Variants in IL16 observed in about 807,000 individuals in gnomAD.
IL16 encodes interleukin 16, also known as pro-interleukin-16.
In IL16, 67 loss-of-function variants were observed where a neutral mutation model predicts 110.1. That is an observed-to-expected ratio of 0.61 (90% CI 0.50 to 0.75). The LOEUF (loss-of-function observed/expected upper bound fraction) is 0.75. Among genes scored for constraint, IL16 ranks in the 30% least tolerant of loss-of-function variants. IL16 has a pLI of 0.00. For missense variants in IL16, 1,545 were observed against 1,655.0 expected, an observed-to-expected ratio of 0.93 and a Z score of 1.15; for synonymous variants, 689 against 662.9, an observed-to-expected ratio of 1.04 and a Z score of -0.61.
At chr15:81,308,293 C>T (rs1040893946) in intron 18 of IL16, among the ~76,000 whole-genome samples, 12 of 152,172 alleles carry the variant, frequency 7.9e-5, no homozygotes, top group African/African-American at 2.9e-4. Flanking sequence ...ACTCAGCTCC[C>T]CAGAGTCCTC....
Position 81,313,416 on chromosome 15 carries a change from C to T in IL16, c.*4618C>T. The T allele has an allele frequency of 6.5e-7, 1 of 1,529,040 alleles. No homozygotes were observed. Among genetic ancestry groups the T allele is most frequent in the Non-Finnish European group, 8.8e-7 (1 of 1,135,344 alleles). 94.7% of individuals were successfully genotyped at this position (1,529,040 alleles called of 1,614,324 possible). On this transcript the variant is annotated 3_prime_UTR_variant, in exon 19 of 19. Coordinates refer to ENST00000683961, the MANE Select transcript of IL16 (RefSeq NM_172217.5). ...CTTGGTGGGTTCCCTGTGAAGGCAACAGCAGAGCTGTGTTATGATCTGCAG... is the reference window on the plus strand; with the variant it reads ...CTTGGTGGGTTCCCTGTGAAGGCAATAGCAGAGCTGTGTTATGATCTGCAG...
At chr15:81,290,337 G>A (rs1899652052) in intron 10 of IL16, 116 bp from the exon 11 acceptor site, 5 of 620,790 alleles carry the variant, frequency 8.1e-6, no homozygotes, top group Admixed American at 3.3e-5. Flanking sequence ...TTTGCAGAGT[G>A]GGTTGAAATA....
Position 81,269,620 on chromosome 15 carries a change from A to G in IL16, c.647A>G (p.Asn216Ser), listed in dbSNP as rs748758755. The G allele has an allele frequency of 6.2e-7, 1 of 1,613,674 alleles. No individual in the cohort carries two copies. The highest frequency in any genetic ancestry group is 8.5e-7 in the Non-Finnish European group (1 of 1,179,664). Reference protein sequence around the residue: ...SGGLQASVISNIVLMKGQAKG... With the variant: ...SGGLQASVISSIVLMKGQAKG... ...GGCCTCCAGGCTTCAGTCATCTCCA[A>G]CATCGTGCTGATGAAGGGCCAGGCT... Residue 216 changes from asparagine (N) to serine (S), a missense_variant, in exon 5 of 19, where the codon AAC (asparagine) becomes AGC (serine). Around this residue, in one of 3 missense-constraint regions of IL16, gnomAD observed 1,185 missense variants for 1,238.8 expected, o/e 0.96. Coordinates refer to ENST00000683961, the MANE Select transcript of IL16 (RefSeq NM_172217.5).
chr15:81,297,467 G>A lies in IL16; in HGVS notation c.2053+389G>A, dbSNP rs530919949. Among the ~76,000 whole-genome samples the A allele has an allele frequency of 5.3e-5, 8 of 152,286 alleles. 1 individual carries two copies. The highest frequency in any genetic ancestry group is 1.9e-4 in the East Asian group (1 of 5,178). On this transcript the variant is annotated intron_variant, in intron 13 of 18. Coordinates refer to ENST00000683961, the MANE Select transcript of IL16 (RefSeq NM_172217.5). ...GGATTTCTGAGTCAGAGAATGCAAC[G>A]CCAGAAAAGTATAAATAGCATCTAC...
At chr15:81,262,231 T>C (rs1005733858) in intron 3 of IL16, among the ~76,000 whole-genome samples, 20 of 152,238 alleles carry the variant, frequency 1.3e-4, no homozygotes, top group African/African-American at 4.6e-4. Flanking sequence ...TTTGACGTCA[T>C]ACTTGTTGAA....
chr15:81,290,857 C>T (rs1899683135), intron 11 of IL16, among the ~76,000 whole-genome samples: 1 of 152,180 alleles, frequency 6.6e-6, no homozygotes, highest in South Asian at 2.1e-4. Flanking sequence ...ATAGCCCCTG[C>T]AGGCACTTGA....
chr15:81,308,705 C>T lies in IL16; in HGVS notation c.3906C>T (p.Asn1302=). ...GCCTCACACGGTTTGAAGCCTGGAA[C>T]ATCATCAAGGCACTGCCTGATGGAC... The part of the protein sequence containing the change: ...MQGLTRFEAW[N]IIKALPDGPV... The change falls in exon 19 of 19, where the codon AAC becomes AAT. Residue 1302 remains asparagine, a synonymous_variant. Coordinates refer to ENST00000683961, the MANE Select transcript of IL16 (RefSeq NM_172217.5). The T allele has an allele frequency of 6.2e-7, 1 of 1,613,926 alleles. No individual in the cohort carries two copies. The highest frequency in any genetic ancestry group is 1.7e-5 in the Admixed American group (1 of 60,034).
chr15:81,225,131 C>T (rs1456100886), intron 1 of IL16, among the ~76,000 whole-genome samples, 168 bp from the exon 2 acceptor site: 2 of 152,142 alleles, frequency 1.3e-5, no homozygotes, highest in Non-Finnish European at 2.9e-5. Flanking sequence ...GTTAACTGAG[C>T]CCCATTTGGC....
chr15:81,306,612 CT>C (rs756031189), intron 18 of IL16, 67 bp downstream of exon 18: 23 of 1,584,982 alleles, frequency 1.5e-5, no homozygotes, highest in Non-Finnish European at 1.8e-5. Flanking sequence ...CCCCAAAAGG[CT>C]TCTGGGCACT....
intron 1 of IL16, among the ~76,000 whole-genome samples, chr15:81,224,174 A>G (rs1896711319): frequency 6.6e-6 from 1 of 152,248 alleles, no homozygotes; most frequent in Non-Finnish European, 1.5e-5. Flanking sequence ...TTTAGGCAGA[A>G]ATTCTCCTTT....
At chr15:81,188,432 G>A (rs149999279) in intron 1 of IL16, 2 of 456,134 alleles carry the variant, frequency 4.4e-6, no homozygotes, top group Admixed American at 2.3e-5. Context: ...CTGTATTTCA[G>A]GCAGTGAGAG....
chr15:81,235,221 A>G (rs544627421), intron 2 of IL16, among the ~76,000 whole-genome samples: 51 of 152,312 alleles, frequency 3.3e-4, no homozygotes, highest in African/African-American at 1.1e-3. Flanking sequence ...TCTATAAAGG[A>G]ATACCTGAGA....
At position 81,265,624 on chromosome 15, in the gene IL16, A is replaced by G. The variant is rs1898341463; in HGVS notation, c.422-35A>G. On this transcript the variant is annotated intron_variant, in intron 3 of 18. Coordinates refer to ENST00000683961, the MANE Select transcript of IL16 (RefSeq NM_172217.5). The stretch of plus-strand genomic sequence containing the variant: ...TTGAACTTTGCATTTTGAGAGCACA[A>G]ATGATTTCTTGCTGTTTTTCCTCTT... The G allele has an allele frequency of 1.9e-6, 3 of 1,610,656 alleles. No individual in the cohort carries two copies. The South Asian group carries it at 3.3e-5, about 18-fold the overall frequency.
At position 81,250,378 on chromosome 15, in the gene IL16, G is replaced by A. The variant is rs115788012; in HGVS notation, c.313-9394G>A. 7.9e-3 allele frequency among the ~76,000 whole-genome samples: 1,198 copies of A among 152,200 alleles called. 18 individuals are homozygous for A. Among genetic ancestry groups the A allele is most frequent in the African/African-American group, 0.027 (1,121 of 41,524 alleles). ...TTTTAAATAGAGATGGGGCTTCACCGTGTTGGTCAGGTTGTCTCAAGCTCT... is the reference window on the plus strand; with the variant it reads ...TTTTAAATAGAGATGGGGCTTCACCATGTTGGTCAGGTTGTCTCAAGCTCT... On this transcript the variant is annotated intron_variant, in intron 2 of 18. Coordinates refer to ENST00000683961, the MANE Select transcript of IL16 (RefSeq NM_172217.5).
At chr15:81,238,605 C>T (rs1224238795) in intron 2 of IL16, among the ~76,000 whole-genome samples, 1 of 147,946 alleles carries the variant, frequency 6.8e-6, no homozygotes, top group East Asian at 1.9e-4. Context: ...ATCTATTGAA[C>T]ACCTCATTAG....
chr15:81,265,343 A>AT (rs1898327872), intron 3 of IL16, among the ~76,000 whole-genome samples: 1 of 152,148 alleles, frequency 6.6e-6, no homozygotes, highest in African/African-American at 2.4e-5. Context: ...CTGATGCAGC[A>AT]TTGTGGTTTC....
chr15:81,305,936 C>A lies in IL16; in HGVS notation c.3449C>A (p.Ala1150Asp), dbSNP rs1900527653. The A allele has an allele frequency of 6.2e-7, 1 of 1,614,062 alleles. No individual in the cohort carries two copies. The highest frequency in any genetic ancestry group is 8.5e-7 in the Non-Finnish European group (1 of 1,180,018). ...CACAGAGTGTTTCCAAATGGGCTGG[C>A]CTCCCAGGAAGGGACTATTCAGAAG... ...TVHRVFPNGL[A>D]SQEGTIQKGN... The change falls in exon 17 of 19, where the codon GCC (alanine) becomes GAC (aspartate). Residue 1150 changes from alanine to aspartate, a missense_variant. Physicochemically the swap from Ala to Asp is moderately radical, Grantham distance 126. This residue lies in a region of IL16 where 356 missense variants were observed against 399.3 expected (regional missense o/e 0.89). Transcript: ENST00000683961.
At chr15:81,273,016 C>A in intron 5 of IL16, 74 bp from the exon 6 acceptor site, 3 of 1,176,284 alleles carry the variant, frequency 2.6e-6, no homozygotes, top group Non-Finnish European at 2.5e-6. Context: ...CTGAGGCAGG[C>A]CCTCAGAAGG....
chr15:81,258,208 T>C (rs1269871691), intron 2 of IL16, among the ~76,000 whole-genome samples: 1 of 152,106 alleles, frequency 6.6e-6, no homozygotes. Context: ...CCTATACCCA[T>C]CCCTAAAATC....
Sources: allele counts gnomAD v4.1 joint callset (sites outside exome capture counted in the v4.1 genomes callset), GRCh38; gene constraint gnomAD v4.1.1; regional missense constraint gnomAD v4.1.1; transcripts MANE v1.5; gene names NCBI Gene and HGNC (gene_info 2026-07-23, HGNC 2026-07-21).